The following RAB25 variants were observed in gnomAD, a reference collection of about 807,000 sequenced individuals.
The protein encoded by RAB25 is ras-related protein Rab-25.
Under a neutral mutation model 25.2 loss-of-function variants are expected in RAB25, and 23 were observed. The observed-to-expected ratio is 0.91, with a 90% confidence interval of 0.66 to 1.29. The LOEUF (loss-of-function observed/expected upper bound fraction) is 1.29. Among genes scored for constraint, RAB25 ranks in the 50% most tolerant of loss-of-function variants. The pLI, the probability that RAB25 is intolerant of heterozygous loss-of-function variation, is 0.00. For synonymous variants in RAB25, 102 were observed against 111.5 expected (o/e 0.91, Z 0.54); for missense variants, 244 against 277.3 (o/e 0.88, Z 0.85).
At chr1:156,062,141 T>C (rs1473484813) in intron 1 of RAB25, among the ~76,000 whole-genome samples, 1 of 152,176 alleles carries the variant, frequency 6.6e-6, no homozygotes, top group East Asian at 1.9e-4. Flanking sequence ...TCATCTTTTC[T>C]GGGCAGGTGT....
intron 2 of RAB25, chr1:156,066,389 T>G (rs1647746399): frequency 3.3e-6 from 1 of 304,660 alleles, no homozygotes; most frequent in East Asian, 5.4e-5. Context: ...TGGCATTTTA[T>G]GTAACCCTTA....
chr1:156,068,186 G>C, intron 2 of RAB25, 84 bp from the exon 3 acceptor site: 1 of 1,219,582 alleles, frequency 8.2e-7, no homozygotes, highest in Non-Finnish European at 1.2e-6. Context: ...CTGATCCCGG[G>C]TGTTCCAGCT....
At chr1:156,066,824 C>A (rs1647760539) in intron 2 of RAB25, among the ~76,000 whole-genome samples, 1 of 151,944 alleles carries the variant, frequency 6.6e-6, no homozygotes, top group East Asian at 1.9e-4. Flanking sequence ...CCTGTAGTCC[C>A]AGATACTTGA....
intron 1 of RAB25, among the ~76,000 whole-genome samples, chr1:156,063,074 AAAG>A (rs1647628810): frequency 6.6e-6 from 1 of 151,278 alleles, no homozygotes. Flanking sequence ...AAAAAAAAAA[AAAG>A]TATTGAGGGT....
chr1:156,070,385 A>G lies in RAB25; in HGVS notation c.*98A>G. The G allele has an allele frequency of 6.7e-7, 1 of 1,493,864 alleles. No homozygotes were observed. The highest frequency in any genetic ancestry group is 9.0e-7 in the Non-Finnish European group (1 of 1,105,774). The allele number at this position is 1,493,864 out of a possible 1,614,324, so 92.5% of individuals were successfully genotyped here. ...CTTGCCCTTTGGTTCCAGATATCAGACTGTTCCCTGTTCACAGCACCCTCA... is the reference window on the plus strand; with the variant it reads ...CTTGCCCTTTGGTTCCAGATATCAGGCTGTTCCCTGTTCACAGCACCCTCA... On this transcript the variant is annotated 3_prime_UTR_variant, in exon 5 of 5. Coordinates refer to ENST00000361084, the MANE Select transcript of RAB25 (RefSeq NM_020387.4).
chr1:156,070,039 T>G, intron 4 of RAB25, 121 bp from the exon 5 acceptor site: 2 of 1,482,852 alleles, frequency 1.3e-6, no homozygotes, highest in Non-Finnish European at 1.9e-6. Flanking sequence ...CTGCAAAACC[T>G]CCTGCAAGTG....
intron 1 of RAB25, among the ~76,000 whole-genome samples, chr1:156,063,662 C>T (rs934417085): frequency 9.2e-5 from 14 of 152,186 alleles, no homozygotes; most frequent in African/African-American, 3.4e-4. Context: ...GAGGCAGACG[C>T]TGAAGGAGCT....
intron 1 of RAB25, 30 bp from the exon 2 acceptor site, chr1:156,065,881 T>C: frequency 6.5e-7 from 1 of 1,542,734 alleles, no homozygotes; most frequent in Non-Finnish European, 8.8e-7. Context: ...CTCTACCCCA[T>C]GCTCAGCCCT....
intron 4 of RAB25, 99 bp downstream of exon 4, chr1:156,069,850 C>T (rs757389803): frequency 5.6e-5 from 63 of 1,121,198 alleles, no homozygotes; most frequent in Non-Finnish European, 2.2e-5. Context: ...CAGCTAATTT[C>T]TCAGCTCCTC....
intron 3 of RAB25, among the ~76,000 whole-genome samples, chr1:156,069,323 G>A (rs1252766650): frequency 6.6e-6 from 1 of 152,122 alleles, no homozygotes; most frequent in South Asian, 2.1e-4. Context: ...TGGGATTACA[G>A]GTGCCCGCCA....
At chr1:156,066,253 G>GTACT in intron 2 of RAB25, 147 bp downstream of exon 2, 1 of 702,280 alleles carries the variant, frequency 1.4e-6, no homozygotes. Context: ...AAGATAAAAG[G>GTACT]TACTGTAAAC....
At position 156,061,247 on chromosome 1, in the gene RAB25, C is replaced by G. The variant is rs1327527656; in HGVS notation, c.-154C>G. 2 of 759,288 alleles carry G rather than the reference C, an allele frequency of 2.6e-6. No homozygotes were observed. The highest frequency in any genetic ancestry group is 1.7e-5 in the South Asian group (1 of 60,052). 47.0% of individuals were successfully genotyped at this position (759,288 alleles called of 1,614,324 possible). ...GGCCCTGCCTAACCTTGAGTTGGCC[C>G]CCAATCCCTCTGGCTGCAGAAGTCC... On this transcript the variant is annotated 5_prime_UTR_variant, in exon 1 of 5. Transcript: ENST00000361084.
At position 156,061,420 on chromosome 1, in the gene RAB25, A is replaced by AAG; in HGVS notation, c.22_23dup (p.Asp8GlufsTer11). On this transcript the variant is annotated frameshift_variant, in exon 1 of 5. Coordinates refer to ENST00000361084, the MANE Select transcript of RAB25 (RefSeq NM_020387.4). LOFTEE classifies it high-confidence loss of function. ...GCCAAGATGGGGAATGGAACTGAGGAAGATTATAACTTTGTCTTCAAGGGT... is the reference window on the plus strand; with the variant it reads ...GCCAAGATGGGGAATGGAACTGAGGAAGAGATTATAACTTTGTCTTCAAGGGT... 3.1e-6 allele frequency: 5 copies of AAG among 1,614,032 alleles called. No homozygotes were observed. The highest frequency in any genetic ancestry group is 4.2e-6 in the Non-Finnish European group (5 of 1,179,956).
chr1:156,068,241 C>T, intron 2 of RAB25, 29 bp from the exon 3 acceptor site: 1 of 1,573,648 alleles, frequency 6.4e-7, no homozygotes, highest in South Asian at 1.1e-5. Flanking sequence ...CTGATCGTAT[C>T]TCTGTCCATC....
intron 2 of RAB25, 196 bp downstream of exon 2, chr1:156,066,302 T>C (rs1647745221): frequency 2.2e-6 from 1 of 457,744 alleles, no homozygotes; most frequent in South Asian, 5.9e-5. Flanking sequence ...CACTGACTAG[T>C]ACTACTAAAA....
chr1:156,069,461 G>A (rs540957826), intron 3 of RAB25, among the ~76,000 whole-genome samples: 1 of 152,328 alleles, frequency 6.6e-6, no homozygotes, highest in African/African-American at 2.4e-5. Flanking sequence ...TTACAGGCGT[G>A]AGCCACCGCA....
At position 156,061,363 on chromosome 1, in the gene RAB25, G is replaced by T. The variant is rs766139648; in HGVS notation, c.-38G>T. The T allele has an allele frequency of 6.2e-7, 1 of 1,609,698 alleles. No homozygotes were observed. The highest frequency in any genetic ancestry group is 1.3e-5 in the African/African-American group (1 of 74,840). On this transcript the variant is annotated 5_prime_UTR_variant, in exon 1 of 5. Coordinates refer to ENST00000361084, the MANE Select transcript of RAB25 (RefSeq NM_020387.4). ...GCCAACACACAGATTTGTCGCCTCT[G>T]TCCCCGAAGACACCTGCACCCTCCA... is the stretch of plus-strand genomic sequence containing the variant.
intron 1 of RAB25, among the ~76,000 whole-genome samples, chr1:156,063,446 C>G (rs947102260): frequency 7.2e-5 from 11 of 152,166 alleles, no homozygotes; most frequent in Non-Finnish European, 1.6e-4. Context: ...CCACCGCGCC[C>G]AGCTCAATGT....
intron 3 of RAB25, 46 bp from the exon 4 acceptor site, chr1:156,069,625 T>C (rs1293897464): frequency 7.4e-7 from 1 of 1,349,478 alleles, no homozygotes; most frequent in East Asian, 2.3e-5. Context: ...ATTATTATTA[T>C]TGCCTTTGAC....
Sources: allele counts gnomAD v4.1 joint callset (sites outside exome capture counted in the v4.1 genomes callset), GRCh38; gene constraint gnomAD v4.1.1; transcripts MANE v1.5; gene names NCBI Gene and HGNC (gene_info 2026-07-23, HGNC 2026-07-21).